The following ZRANB3 variants were observed in gnomAD, a reference collection of about 807,000 sequenced individuals.
ZRANB3 encodes DNA annealing helicase and endonuclease ZRANB3.
Under a neutral mutation model 133.8 loss-of-function variants are expected in ZRANB3, and 125 were observed. That is an observed-to-expected ratio of 0.93 (90% CI 0.81 to 1.08). The LOEUF is 1.08. Ranked by LOEUF, ZRANB3 falls within the 50% of genes least tolerant of loss-of-function variation. ZRANB3 has a pLI of 0.00. For missense variants in ZRANB3, 1,229 were observed against 1,275.5 expected, an observed-to-expected ratio of 0.96 and a Z score of 0.56; for synonymous variants, 387 against 432.7, an observed-to-expected ratio of 0.89 and a Z score of 1.31.
At chr2:135,291,530 C>T (rs1235177520) in intron 8 of ZRANB3, among the ~76,000 whole-genome samples, 3 of 151,676 alleles carry the variant, frequency 2.0e-5, no homozygotes, top group African/African-American at 7.3e-5. Flanking sequence ...TCCCCAACTT[C>T]TTGGAGGCTA....
intron 15 of ZRANB3, among the ~76,000 whole-genome samples, chr2:135,222,479 A>G (rs1694594583): frequency 1.3e-5 from 2 of 152,064 alleles, no homozygotes; most frequent in Non-Finnish European, 2.9e-5. Context: ...AGATTCTCAC[A>G]TGGTTCCTGT....
intron 12 of ZRANB3, among the ~76,000 whole-genome samples, chr2:135,241,652 G>A (rs1056933717): frequency 6.6e-6 from 1 of 152,112 alleles, no homozygotes; most frequent in Non-Finnish European, 1.5e-5. Context: ...GACTGAACAT[G>A]AGGGGTGAGG....
At chr2:135,419,000 C>T (rs1440478993) in intron 2 of ZRANB3, among the ~76,000 whole-genome samples, 3 of 123,782 alleles carry the variant, frequency 2.4e-5, no homozygotes, top group African/African-American at 9.0e-5. Flanking sequence ...TGCAGTGGTG[C>T]GATCTCGGCT....
At chr2:135,497,581 C>T (rs758102628) in intron 2 of ZRANB3, among the ~76,000 whole-genome samples, 18 of 152,176 alleles carry the variant, frequency 1.2e-4, no homozygotes, top group Non-Finnish European at 2.4e-4. Flanking sequence ...AAACAGTACA[C>T]ATAAAGAATA....
chr2:135,252,447 T>G (rs900760659), intron 12 of ZRANB3, among the ~76,000 whole-genome samples: 2 of 152,210 alleles, frequency 1.3e-5, no homozygotes, highest in Non-Finnish European at 2.9e-5. Context: ...AATGGCTGTC[T>G]CTTCCAATAA....
chr2:135,479,656 A>C (rs1293093205), intron 2 of ZRANB3, among the ~76,000 whole-genome samples: 1 of 151,896 alleles, frequency 6.6e-6, no homozygotes, highest in Admixed American at 6.6e-5. Context: ...ACAGAGCGAG[A>C]CTATCTCAAA....
chr2:135,451,209 T>C (rs1158381680), intron 2 of ZRANB3, among the ~76,000 whole-genome samples: 1 of 152,172 alleles, frequency 6.6e-6, no homozygotes, highest in Admixed American at 6.6e-5. Context: ...ACAATATTCC[T>C]ATGAATATTA....
chr2:135,404,931 C>A (rs912616430), intron 2 of ZRANB3, among the ~76,000 whole-genome samples: 1 of 152,160 alleles, frequency 6.6e-6, no homozygotes, highest in Non-Finnish European at 1.5e-5. Context: ...AAATAACCAG[C>A]TAACATTATA....
At chr2:135,313,937 T>C (rs962793916) in intron 7 of ZRANB3, among the ~76,000 whole-genome samples, 1 of 152,220 alleles carries the variant, frequency 6.6e-6, no homozygotes, top group Non-Finnish European at 1.5e-5. Context: ...CAATCTCGGC[T>C]CACTGCAACC....
intron 6 of ZRANB3, among the ~76,000 whole-genome samples, chr2:135,322,322 G>C (rs1683568485): frequency 6.6e-6 from 1 of 151,956 alleles, no homozygotes; most frequent in South Asian, 2.1e-4. Context: ...CTTTGTCTTT[G>C]CATATAAATT....
At chr2:135,477,626 A>G (rs925270278) in intron 2 of ZRANB3, among the ~76,000 whole-genome samples, 1 of 152,172 alleles carries the variant, frequency 6.6e-6, no homozygotes, top group Admixed American at 6.6e-5. Context: ...ACAGCTTTCC[A>G]CTAAGATCTT....
chr2:135,463,138 G>A (rs1285202330), intron 2 of ZRANB3, among the ~76,000 whole-genome samples: 2 of 152,136 alleles, frequency 1.3e-5, no homozygotes, highest in African/African-American at 4.8e-5. Flanking sequence ...GATTAGCCTG[G>A]GGAACACAGT....
chr2:135,215,972 T>A (rs948855947), intron 17 of ZRANB3, among the ~76,000 whole-genome samples: 6 of 152,128 alleles, frequency 3.9e-5, no homozygotes, highest in African/African-American at 1.4e-4. Context: ...TTGCTCCAAA[T>A]TGAAAACCAC....
chr2:135,481,224 C>A (rs1220054518), intron 2 of ZRANB3, among the ~76,000 whole-genome samples: 1 of 151,126 alleles, frequency 6.6e-6, no homozygotes, highest in South Asian at 2.1e-4. Flanking sequence ...AGTTTACAGT[C>A]CCACCAACAG....
intron 6 of ZRANB3, among the ~76,000 whole-genome samples, chr2:135,337,030 T>A (rs1028047056): frequency 6.6e-6 from 1 of 152,218 alleles, no homozygotes; most frequent in African/African-American, 2.4e-5. Context: ...CAAGATTGTT[T>A]AATAAAAAAA....
intron 12 of ZRANB3, among the ~76,000 whole-genome samples, chr2:135,263,937 G>A (rs1284904017): frequency 3.3e-5 from 5 of 151,108 alleles, no homozygotes; most frequent in African/African-American, 4.9e-5. Flanking sequence ...CATGACGCCC[G>A]GCTAATTTTT....
At chr2:135,315,250 T>G in intron 7 of ZRANB3, 109 bp downstream of exon 7, 1 of 1,129,332 alleles carries the variant, frequency 8.9e-7, no homozygotes, top group Non-Finnish European at 1.1e-6. Context: ...TTAAACCTAT[T>G]TTAAGAAAGC....
chr2:135,331,940 A>G (rs1684166489), intron 6 of ZRANB3, among the ~76,000 whole-genome samples: 1 of 152,142 alleles, frequency 6.6e-6, no homozygotes, highest in African/African-American at 2.4e-5. Context: ...ACTTTCCAAA[A>G]TGAAATAAAC....
chr2:135,466,316 G>A (rs1187556592), intron 2 of ZRANB3, among the ~76,000 whole-genome samples: 1 of 145,558 alleles, frequency 6.9e-6, no homozygotes, highest in Non-Finnish European at 1.5e-5. Context: ...CCGGGAGTCG[G>A]AGGTTGCAGT....
Sources: allele counts gnomAD v4.1 joint callset (sites outside exome capture counted in the v4.1 genomes callset), GRCh38; gene constraint gnomAD v4.1.1; transcripts MANE v1.5; gene names NCBI Gene and HGNC (gene_info 2026-07-23, HGNC 2026-07-21).